Variants in FBXL7 observed in about 807,000 individuals in gnomAD.
FBXL7 encodes the protein F-box and leucine rich repeat protein 7.
A neutral mutation model predicts 38.3 loss-of-function variants in FBXL7; 12 were observed. That is an observed-to-expected ratio of 0.31 (90% confidence interval 0.20 to 0.51). FBXL7 has a LOEUF of 0.51. FBXL7 is among the 20% of genes least tolerant of loss of function. The pLI is 0.98. For missense variants in FBXL7, 567 were observed against 676.4 expected (o/e 0.84, Z 1.79); for synonymous variants, 297 against 300.9 (o/e 0.99, Z 0.13).
chr5:15,631,594 C>T (rs933766270), intron 2 of FBXL7, among the ~76,000 whole-genome samples: 7 of 143,296 alleles, frequency 4.9e-5, no homozygotes, highest in African/African-American at 1.3e-4. Flanking sequence ...ATCACTTGAA[C>T]CTGGGAGATG....
chr5:15,571,185 A>G (rs1172649767), intron 1 of FBXL7, among the ~76,000 whole-genome samples: 1 of 152,192 alleles, frequency 6.6e-6, no homozygotes, highest in South Asian at 2.1e-4. Flanking sequence ...CTGAAATCAT[A>G]AGACCTAACC....
intron 2 of FBXL7, among the ~76,000 whole-genome samples, chr5:15,649,977 G>A (rs1364736412): frequency 6.6e-6 from 1 of 152,158 alleles, no homozygotes; most frequent in African/African-American, 2.4e-5. Flanking sequence ...ATAGATAAGT[G>A]TTTTTGTTTT....
rs894558553 is a variant in FBXL7, at chr5:15,939,418, C to A, written c.*2232C>A. 13 of 185,518 alleles carry A rather than the reference C, an allele frequency of 7.0e-5. No homozygotes were observed. The highest frequency in any genetic ancestry group is 3.0e-4 in the African/African-American group (13 of 42,912). The allele number at this position is 185,518 out of a possible 1,614,324, so 11.5% of individuals were successfully genotyped here. A position where few individuals can be genotyped will look rare whatever the true frequency, so the allele number is the denominator to read the frequency against. On this transcript the variant is annotated 3_prime_UTR_variant, in exon 4 of 4. Coordinates refer to ENST00000504595, the MANE Select transcript of FBXL7 (RefSeq NM_012304.5). ...GAGCAGGGAGATCCAGAGAATGAATCCCTGACCGCATCACCTAAACTGTCT... is the reference window on the plus strand; with the variant it reads ...GAGCAGGGAGATCCAGAGAATGAATACCTGACCGCATCACCTAAACTGTCT...
intron 2 of FBXL7, among the ~76,000 whole-genome samples, chr5:15,663,377 A>G (rs1185175956): frequency 6.6e-6 from 1 of 152,108 alleles, no homozygotes; most frequent in Non-Finnish European, 1.5e-5. Context: ...TGAAGTTTTT[A>G]TCAGCTGAAG....
chr5:15,512,178 G>A (rs1204786578), intron 1 of FBXL7, among the ~76,000 whole-genome samples: 1 of 152,182 alleles, frequency 6.6e-6, no homozygotes, highest in East Asian at 1.9e-4. Flanking sequence ...GTCTTTGGAA[G>A]TGTTTAGGTC....
At chr5:15,625,249 G>A (rs1413359420) in intron 2 of FBXL7, among the ~76,000 whole-genome samples, 1 of 152,058 alleles carries the variant, frequency 6.6e-6, no homozygotes, top group Non-Finnish European at 1.5e-5. Flanking sequence ...CTTAACACAT[G>A]GCAGTCAGAC....
intron 2 of FBXL7, among the ~76,000 whole-genome samples, chr5:15,802,282 A>G (rs943533080): frequency 6.6e-6 from 1 of 152,030 alleles, no homozygotes; most frequent in East Asian, 1.9e-4. Flanking sequence ...GAGAAGCATG[A>G]CCCAGATCAT....
intron 1 of FBXL7, among the ~76,000 whole-genome samples, chr5:15,516,753 T>G (rs1242482109): frequency 6.6e-6 from 1 of 152,088 alleles, no homozygotes; most frequent in Non-Finnish European, 1.5e-5. Flanking sequence ...TGATAGTGAG[T>G]GAGTTCTCAC....
intron 2 of FBXL7, among the ~76,000 whole-genome samples, chr5:15,623,211 G>A (rs1049306569): frequency 1.3e-5 from 2 of 152,182 alleles, no homozygotes; most frequent in African/African-American, 4.8e-5. Flanking sequence ...AAATCCTTTG[G>A]CCCAAGACCA....
chr5:15,584,209 G>A (rs1309854593), intron 1 of FBXL7, among the ~76,000 whole-genome samples: 1 of 152,184 alleles, frequency 6.6e-6, no homozygotes, highest in Non-Finnish European at 1.5e-5. Context: ...TGTGATGGGA[G>A]GGACTGCGGT....
chr5:15,827,456 G>A (rs547044805), intron 2 of FBXL7, among the ~76,000 whole-genome samples: 1 of 152,268 alleles, frequency 6.6e-6, no homozygotes, highest in Admixed American at 6.5e-5. Context: ...TTCTATAACA[G>A]AATGTTTGAG....
intron 2 of FBXL7, among the ~76,000 whole-genome samples, chr5:15,764,155 A>G (rs1736524442): frequency 6.6e-6 from 1 of 152,214 alleles, no homozygotes; most frequent in Admixed American, 6.5e-5. Context: ...AAAATTCCCT[A>G]TCACATAAAC....
intron 1 of FBXL7, among the ~76,000 whole-genome samples, chr5:15,570,012 T>C (rs1002829592): frequency 1.3e-5 from 2 of 152,212 alleles, no homozygotes; most frequent in Admixed American, 6.5e-5. Flanking sequence ...TTGAGGATTT[T>C]TGCATCAATG....
chr5:15,714,932 C>T (rs1019394635), intron 2 of FBXL7, among the ~76,000 whole-genome samples: 1 of 150,344 alleles, frequency 6.7e-6, no homozygotes, highest in Admixed American at 6.6e-5. Flanking sequence ...ATTGGAGGTG[C>T]TGGCTTTGAA....
intron 2 of FBXL7, among the ~76,000 whole-genome samples, chr5:15,699,066 T>C (rs1417146846): frequency 6.6e-6 from 1 of 152,108 alleles, no homozygotes; most frequent in Non-Finnish European, 1.5e-5. Context: ...CAGAGCACAT[T>C]TTGATCATCA....
At chr5:15,818,171 G>A (rs1411527266) in intron 2 of FBXL7, among the ~76,000 whole-genome samples, 1 of 151,922 alleles carries the variant, frequency 6.6e-6, no homozygotes, top group Non-Finnish European at 1.5e-5. Context: ...TGTGAAGGAG[G>A]TAAAATCTGA....
At chr5:15,634,510 G>A (rs954226102) in intron 2 of FBXL7, among the ~76,000 whole-genome samples, 1 of 149,462 alleles carries the variant, frequency 6.7e-6, no homozygotes, top group Non-Finnish European at 1.5e-5. Flanking sequence ...TTAGTTGGGG[G>A]GGGGGTTTAC....
At chr5:15,552,957 C>T (rs1480346856) in intron 1 of FBXL7, among the ~76,000 whole-genome samples, 2 of 152,066 alleles carry the variant, frequency 1.3e-5, no homozygotes, top group Non-Finnish European at 2.9e-5. Context: ...TGGCACGCAC[C>T]TATAGTCCCA....
At chr5:15,550,623 G>A (rs536489372) in intron 1 of FBXL7, among the ~76,000 whole-genome samples, 2 of 152,196 alleles carry the variant, frequency 1.3e-5, no homozygotes, top group South Asian at 2.1e-4. Flanking sequence ...GGTAGACCCA[G>A]GTTCTTTGCA....
Sources: gnomAD v4.1 joint callset for allele counts (sites outside exome capture counted in the v4.1 genomes callset) on GRCh38, gnomAD v4.1.1 for gene constraint, MANE v1.5 for transcripts, NCBI Gene and HGNC (gene_info 2026-07-23, HGNC 2026-07-21) for gene names.